The following APC variants were observed in gnomAD, a reference collection of about 807,000 sequenced individuals.
APC encodes the protein APC regulator of Wnt signaling pathway.
In APC, 72 loss-of-function variants were observed where a neutral mutation model predicts 247.0. That is an observed-to-expected ratio of 0.29 (90% CI 0.24 to 0.35). The LOEUF is 0.35. Ranked by LOEUF, APC falls within the 10% of genes least tolerant of loss-of-function variation. APC has a pLI of 1.00. For synonymous variants in APC, 1,254 were observed against 1,162.5 expected (o/e 1.08, Z -1.60); for missense variants, 3,400 against 3,360.7 (o/e 1.01, Z -0.29).
At chr5:112,710,398 T>TTA (rs367990036) in intron 1 of APC, among the ~76,000 whole-genome samples, 35 of 151,924 alleles carry the variant, frequency 2.3e-4, no homozygotes, top group South Asian at 1.3e-3. Flanking sequence ...TGTCATCTCT[T>TTA]TATATATATA....
chr5:112,757,224 G>T (rs1355999547), intron 2 of APC, among the ~76,000 whole-genome samples: 1 of 151,838 alleles, frequency 6.6e-6, no homozygotes, highest in African/African-American at 2.4e-5. Context: ...CTCTTTTTAA[G>T]GTTTTATGCT....
intron 10 of APC, among the ~76,000 whole-genome samples, chr5:112,820,011 T>C (rs1028560497): frequency 6.6e-6 from 1 of 152,100 alleles, no homozygotes; most frequent in Non-Finnish European, 1.5e-5. Flanking sequence ...CTGGGAGTGA[T>C]AATCCACCCA....
intron 1 of APC, among the ~76,000 whole-genome samples, chr5:112,724,037 G>A (rs1188932264): frequency 1.3e-5 from 2 of 152,010 alleles, no homozygotes; most frequent in Non-Finnish European, 2.9e-5. Context: ...ATCTTTTAAC[G>A]GCTCCCTTTC....
intron 8 of APC, among the ~76,000 whole-genome samples, chr5:112,803,099 G>T (rs890300682): frequency 3.9e-5 from 6 of 151,934 alleles, no homozygotes; most frequent in Non-Finnish European, 8.8e-5. Flanking sequence ...TTCGTGGGGG[G>T]GCCATTTAGT....
intron 11 of APC, among the ~76,000 whole-genome samples, chr5:112,825,986 C>T (rs1335734300): frequency 1.3e-5 from 2 of 152,188 alleles, no homozygotes; most frequent in Non-Finnish European, 2.9e-5. Context: ...AATTAATTTT[C>T]ACTTACCTAC....
intron 1 of APC, among the ~76,000 whole-genome samples, chr5:112,716,222 C>T (rs1178497545): frequency 6.6e-6 from 1 of 152,126 alleles, no homozygotes; most frequent in Non-Finnish European, 1.5e-5. Flanking sequence ...CCCCTCTAAG[C>T]GCCATTTTAG....
chr5:112,737,756 G>A (rs1383675496), upstream of APC: 2 of 821,618 alleles, frequency 2.4e-6, no homozygotes, highest in Non-Finnish European at 2.9e-6. Context: ...AGCGGAGAGA[G>A]AAGCAGCTGT....
intron 11 of APC, among the ~76,000 whole-genome samples, chr5:112,824,304 C>T (rs892887532): frequency 6.6e-6 from 1 of 152,196 alleles, no homozygotes; most frequent in Admixed American, 6.5e-5. Flanking sequence ...TTGTATCAAT[C>T]CAGTCATGAA....
chr5:112,781,486 A>AATC (rs1758341745), intron 6 of APC, among the ~76,000 whole-genome samples: 1 of 152,220 alleles, frequency 6.6e-6, no homozygotes. Flanking sequence ...TAAAGCCCTG[A>AATC]AGAGGCCTTG....
chr5:112,835,247 A>T, intron 15 of APC, 82 bp downstream of exon 15: 1 of 1,282,510 alleles, frequency 7.8e-7, no homozygotes, highest in Non-Finnish European at 1.1e-6. Context: ...TGTTTTATAT[A>T]ATCATGAAAG....
intron 2 of APC, among the ~76,000 whole-genome samples, chr5:112,760,267 G>C (rs1755505812): frequency 6.6e-6 from 1 of 152,152 alleles, no homozygotes; most frequent in Non-Finnish European, 1.5e-5. Context: ...AGAGATACTA[G>C]CATTTAGAGG....
intron 7 of APC, among the ~76,000 whole-genome samples, chr5:112,800,978 G>C (rs1760752792): frequency 1.3e-5 from 2 of 152,084 alleles, no homozygotes; most frequent in African/African-American, 2.4e-5. Context: ...TGTTCTACTT[G>C]GGTTATGTTC....
intron 1 of APC, among the ~76,000 whole-genome samples, chr5:112,753,457 T>G (rs1754602841): frequency 6.6e-6 from 1 of 152,202 alleles, no homozygotes; most frequent in Non-Finnish European, 1.5e-5. Context: ...CACTGTAAGT[T>G]ATGTTGAAGC....
intron 2 of APC, among the ~76,000 whole-genome samples, chr5:112,757,024 A>AT (rs1216843422): frequency 1.3e-5 from 2 of 152,154 alleles, no homozygotes; most frequent in African/African-American, 4.8e-5. Flanking sequence ...CAGACTTCAA[A>AT]TTTTCGGATT....
At chr5:112,725,340 T>C (rs756395959) in intron 1 of APC, among the ~76,000 whole-genome samples, 3 of 152,182 alleles carry the variant, frequency 2.0e-5, no homozygotes, top group Non-Finnish European at 4.4e-5. Flanking sequence ...TGTTAAAGAT[T>C]TAAACAGTAA....
At chr5:112,738,887 C>A (rs368541001) in intron 1 of APC, among the ~76,000 whole-genome samples, 2 of 152,176 alleles carry the variant, frequency 1.3e-5, no homozygotes, top group Admixed American at 1.3e-4. Flanking sequence ...TAACATAAAT[C>A]CTATACGAAA....
At chr5:112,821,047 T>TG (rs1763076822) in intron 10 of APC, among the ~76,000 whole-genome samples, 1 of 151,522 alleles carries the variant, frequency 6.6e-6, no homozygotes, top group Non-Finnish European at 1.5e-5. Flanking sequence ...TTTTTTTTTT[T>TG]TTTGAGAGAC....
At chr5:112,747,275 G>C (rs185554385) in intron 1 of APC, among the ~76,000 whole-genome samples, 20 of 152,296 alleles carry the variant, frequency 1.3e-4, no homozygotes, top group Non-Finnish European at 2.9e-4. Flanking sequence ...GATTGCAGAG[G>C]CTAAATTATT....
At chr5:112,767,453 A>G (rs1756486665) in intron 4 of APC, 63 bp downstream of exon 4, 3 of 1,316,666 alleles carry the variant, frequency 2.3e-6, no homozygotes, top group South Asian at 1.3e-5. Flanking sequence ...ATTTTGTAAT[A>G]TAATATTTAA....
Sources: gnomAD v4.1 joint callset for allele counts (sites outside exome capture counted in the v4.1 genomes callset) on GRCh38, gnomAD v4.1.1 for gene constraint, MANE v1.5 for transcripts, NCBI Gene and HGNC (gene_info 2026-07-23, HGNC 2026-07-21) for gene names.